The following ERAP1 variants were observed in gnomAD, a reference collection of about 807,000 sequenced individuals.
ERAP1 encodes the protein endoplasmic reticulum aminopeptidase 1.
A neutral mutation model predicts 103.7 loss-of-function variants in ERAP1; 86 were observed. That is an observed-to-expected ratio of 0.83 (90% confidence interval 0.70 to 0.99). The LOEUF (loss-of-function observed/expected upper bound fraction) is 0.99. Ranked by LOEUF, ERAP1 falls within the 50% of genes least tolerant of loss-of-function variation. The pLI is 0.00. For synonymous variants in ERAP1, 398 were observed against 402.4 expected (o/e 0.99, Z 0.13); for missense variants, 1,009 against 1,128.4 (o/e 0.89, Z 1.52).
the ERAP1 span, among the ~76,000 whole-genome samples, chr5:96,853,078 G>C: frequency 6.6e-6 from 1 of 152,152 alleles, no homozygotes; most frequent in African/African-American, 2.4e-5. Flanking sequence ...GGGCAGGCTT[G>C]GGAGACTGGA....
upstream of ERAP1, chr5:96,808,007 C>CG (rs1315328603): frequency 1.1e-5 from 11 of 985,440 alleles, no homozygotes; most frequent in Non-Finnish European, 1.3e-5. Context: ...TAGCGGCAGG[C>CG]GGGGAAGCCC....
At position 96,783,071 on chromosome 5, in the gene ERAP1, C is replaced by G. The variant is rs145659288; in HGVS notation, c.2265G>C (p.Lys755Asn). 2.8e-5 allele frequency: 45 copies of G among 1,614,190 alleles called. No individual in the cohort carries two copies. Among genetic ancestry groups the G allele is most frequent in the Middle Eastern group, 3.3e-4 (2 of 6,062 alleles). ...CTGACCTCAAGTTTCCATTGGATTCCTTCCACTTTCTGAAATAGCCTTCTG... is the reference window on the plus strand; with the variant it reads ...CTGACCTCAAGTTTCCATTGGATTCGTTCCACTTTCTGAAATAGCCTTCTG... ...QRAEGYFRKW[K>N]ESNGNLSLPV... is the part of the protein sequence containing the mutation. The change falls in exon 15 of 19, where the codon AAG (lysine) becomes AAC (asparagine). Residue 755 changes from lysine to asparagine, a missense_variant. This residue lies in a region of ERAP1 where 611 missense variants were observed against 651.7 expected (regional missense o/e 0.94). Coordinates refer to ENST00000443439, the MANE Select transcript of ERAP1 (RefSeq NM_001040458.3).
Position 96,800,955 on chromosome 5 carries a change from G to A in ERAP1, c.570C>T (p.Ala190=). 1.2e-6 allele frequency: 2 copies of A among 1,614,122 alleles called. No individual in the cohort carries two copies. Among genetic ancestry groups the A allele is most frequent in the Non-Finnish European group, 1.7e-6 (2 of 1,180,018 alleles). Residue 190 remains alanine (A), a synonymous_variant, in exon 3 of 19, where the codon GCC becomes GCT. Coordinates refer to ENST00000443439, the MANE Select transcript of ERAP1 (RefSeq NM_001040458.3). ...AGGCAGGTTCATCAAAGCAGGGAAA[G>A]GCCATTCTAGCTGCAGTGGGTTCAA... ...TQFEPTAARM[A]FPCFDEPAFK... is the part of the protein sequence containing the mutation.
exon 20 of ERAP1, chr5:96,761,645 G>A (rs1767997563): frequency 6.6e-6 from 1 of 152,072 alleles, no homozygotes; most frequent in Non-Finnish European, 1.5e-5. Flanking sequence ...TCAAAAGGGA[G>A]TATTTGAAAT....
chr5:96,879,626 T>G, the ERAP1 span: 1 of 1,391,882 alleles, frequency 7.2e-7, no homozygotes, highest in Non-Finnish European at 1.0e-6. Flanking sequence ...GCCAGTGCAG[T>G]GCCATGAAGA....
At chr5:96,916,973 T>C in the ERAP1 span, among the ~76,000 whole-genome samples, 1 of 152,204 alleles carries the variant, frequency 6.6e-6, no homozygotes, top group African/African-American at 2.4e-5. Flanking sequence ...TTACTTTACC[T>C]ATTGTTTGAA....
rs771283209 is a variant in ERAP1, at chr5:96,781,833, C to T, written c.2307G>A (p.Leu769=). Residue 769 remains leucine (L), a synonymous_variant, in exon 16 of 19, where the codon TTG becomes TTA. Coordinates refer to ENST00000443439, the MANE Select transcript of ERAP1 (RefSeq NM_001040458.3). ...TCTGGGCCCCCACAGCAAACACTGCCAAGGTCACGTCGACAGGCAGGCTAT... is the reference window on the plus strand; with the variant it reads ...TCTGGGCCCCCACAGCAAACACTGCTAAGGTCACGTCGACAGGCAGGCTAT... ...GNLSLPVDVT[L]AVFAVGAQST... is the part of the protein sequence containing the mutation. The T allele has an allele frequency of 6.2e-7, 1 of 1,613,988 alleles. No homozygotes were observed. Among genetic ancestry groups the T allele is most frequent in the Admixed American group, 1.7e-5 (1 of 60,008 alleles).
the ERAP1 span, chr5:96,902,476 C>A: frequency 3.2e-6 from 2 of 628,902 alleles, no homozygotes; most frequent in East Asian, 2.8e-5. Flanking sequence ...GGGAAGTTGT[C>A]ATTTATCCAT....
the ERAP1 span, among the ~76,000 whole-genome samples, chr5:96,895,857 G>A: frequency 6.6e-6 from 1 of 152,124 alleles, no homozygotes; most frequent in African/African-American, 2.4e-5. Flanking sequence ...GCATATCAAG[G>A]TGGTTAGTAA....
chr5:96,801,450 CCT>C (rs977511399), intron 2 of ERAP1, among the ~76,000 whole-genome samples: 1 of 141,098 alleles, frequency 7.1e-6, no homozygotes, highest in Non-Finnish European at 1.6e-5. Context: ...AGAACCAGAC[CCT>C]GTCTCGGGAA....
chr5:96,892,284 G>T, the ERAP1 span: 8 of 1,613,196 alleles, frequency 5.0e-6, no homozygotes, highest in Non-Finnish European at 6.8e-6. Flanking sequence ...AAGTATGGTT[G>T]TTCTTATTTC....
the ERAP1 span, among the ~76,000 whole-genome samples, chr5:96,929,889 T>G: frequency 3.0e-4 from 45 of 152,224 alleles, no homozygotes; most frequent in Non-Finnish European, 5.7e-4. Context: ...ACTTATTTAT[T>G]AAAATATATC....
In ERAP1 at chr5:96,803,570, G is replaced by A. The variant is rs184352763; in HGVS notation, c.357C>T (p.Pro119=). 3.3e-4 allele frequency: 526 copies of A among 1,613,974 alleles called. 3 individuals carry two copies. In the South Asian group the frequency reaches 5.5e-3, roughly 17 times the overall value. Residue 119 remains proline (P), a synonymous_variant, in exon 2 of 19, where the codon CCC becomes CCT. Transcript: ENST00000443439. Reference sequence around the variant, plus strand: ...GACGGGGGTGTTCCAGGACCTGCAGGGGTTCTTCCGATAGCCTCTCTCCAG... The same window carrying A: ...GACGGGGGTGTTCCAGGACCTGCAGAGGTTCTTCCGATAGCCTCTCTCCAG... ...KGAGERLSEE[P]LQVLEHPRQE... is the part of the protein sequence containing the mutation.
the ERAP1 span, among the ~76,000 whole-genome samples, chr5:96,901,303 C>G: frequency 6.6e-5 from 10 of 152,150 alleles, no homozygotes; most frequent in African/African-American, 2.4e-4. Context: ...GTATATATCC[C>G]TCAATTCAAG....
Position 96,807,920 on chromosome 5 carries a change from G to A in ERAP1, c.-78C>T. 2 of 986,328 alleles carry A rather than the reference G, an allele frequency of 2.0e-6. No individual in the cohort carries two copies. The highest frequency in any genetic ancestry group is 1.2e-6 in the Non-Finnish European group (1 of 830,672). The allele number at this position is 986,328 out of a possible 1,614,324, so 61.1% of individuals were successfully genotyped here. On this transcript the variant is annotated 5_prime_UTR_variant, in exon 1 of 19. Transcript: ENST00000443439. ...CGCCACCACCACTGCCGCCGGCCTA[G>A]CTCCCCCAGGACCGAAAGTGAAAGT...
Position 96,776,487 on chromosome 5 carries a change from A to G in ERAP1, c.2735T>C (p.Ile912Thr), listed in dbSNP as rs757197257. Residue 912 changes from isoleucine to threonine, a missense_variant, in exon 19 of 19, where the codon ATT (isoleucine) becomes ACT (threonine). This residue lies in a region of ERAP1 where 611 missense variants were observed against 651.7 expected (regional missense o/e 0.94). Coordinates refer to ENST00000443439, the MANE Select transcript of ERAP1 (RefSeq NM_001040458.3). ...GSQLRCVQQT[I>T]ETIEENIGWM... is the part of the protein sequence containing the mutation. ...ACCGATGTTTTCTTCAATGGTTTCAATTGTCTGTTGGACACAACGGAGCTG... is the reference window on the plus strand; with the variant it reads ...ACCGATGTTTTCTTCAATGGTTTCAGTTGTCTGTTGGACACAACGGAGCTG... The G allele has an allele frequency of 3.7e-6, 6 of 1,614,186 alleles. No individual in the cohort carries two copies. Among genetic ancestry groups the G allele is most frequent in the Non-Finnish European group, 2.5e-6 (3 of 1,180,030 alleles).
At chr5:96,929,418 C>T in the ERAP1 span, among the ~76,000 whole-genome samples, 1 of 151,880 alleles carries the variant, frequency 6.6e-6, no homozygotes, top group Admixed American at 6.6e-5. Context: ...TCCTTCCTTC[C>T]TTCTTTCCTT....
At chr5:96,871,206 C>T in the ERAP1 span, among the ~76,000 whole-genome samples, 1 of 152,214 alleles carries the variant, frequency 6.6e-6, no homozygotes. Context: ...TTAGTTCTGT[C>T]TCCCTGCAAA....
the ERAP1 span, among the ~76,000 whole-genome samples, chr5:96,839,344 T>A: frequency 3.9e-5 from 6 of 152,202 alleles, no homozygotes; most frequent in African/African-American, 1.2e-4. Context: ...AGCATGTGGC[T>A]CAAGATCCCA....
Sources: gnomAD v4.1 joint callset for allele counts (sites outside exome capture counted in the v4.1 genomes callset) on GRCh38, gnomAD v4.1.1 for gene constraint, gnomAD v4.1.1 regional missense constraint, MANE v1.5 for transcripts, NCBI Gene and HGNC (gene_info 2026-07-23, HGNC 2026-07-21) for gene names.